MBNL1: variants seen among roughly 807,000 people sequenced by gnomAD.
MBNL1 encodes the protein muscleblind-like protein 1.
MBNL1 carries 8 observed loss-of-function variants against 42.2 expected under a neutral mutation model. That is an observed-to-expected ratio of 0.19 (90% CI 0.11 to 0.34). MBNL1 has a LOEUF of 0.34. Among genes scored for constraint, MBNL1 ranks in the 10% least tolerant of loss-of-function variants. The pLI, the probability that MBNL1 is intolerant of heterozygous loss-of-function variation, is 1.00. For synonymous variants in MBNL1, 169 were observed against 173.9 expected (o/e 0.97, Z 0.22); for missense variants, 309 against 495.3 (o/e 0.62, Z 3.57).
intron 6 of MBNL1, among the ~76,000 whole-genome samples, chr3:152,451,175 A>ACG: frequency 6.6e-6 from 1 of 151,508 alleles, no homozygotes; most frequent in East Asian, 1.9e-4. Context: ...ATGTGTAGAT[A>ACG]TATTTTATTC....
chr3:152,264,740 T>C (rs2036902553), upstream of MBNL1: 1 of 152,192 alleles, frequency 6.6e-6, no homozygotes, highest in African/African-American at 2.4e-5. Context: ...GATCCTAAAA[T>C]AATGATATTG....
intron 2 of MBNL1, among the ~76,000 whole-genome samples, chr3:152,403,475 A>G (rs903995453): frequency 6.6e-6 from 1 of 152,134 alleles, no homozygotes; most frequent in East Asian, 1.9e-4. Flanking sequence ...TTTATTGTTA[A>G]TATGGATCTT....
At chr3:152,398,384 G>A (rs1180611399) in intron 2 of MBNL1, among the ~76,000 whole-genome samples, 1 of 152,010 alleles carries the variant, frequency 6.6e-6, no homozygotes, top group Admixed American at 6.6e-5. Flanking sequence ...AATATCAGGA[G>A]AGGTTAGGAT....
At chr3:152,360,326 G>A (rs1168451449) in intron 2 of MBNL1, among the ~76,000 whole-genome samples, 2 of 152,124 alleles carry the variant, frequency 1.3e-5, no homozygotes, top group African/African-American at 2.4e-5. Flanking sequence ...TCGTGGTTAA[G>A]ATTAATGATA....
intron 1 of MBNL1, among the ~76,000 whole-genome samples, chr3:152,281,526 T>C (rs2048472441): frequency 6.6e-6 from 1 of 152,128 alleles, no homozygotes; most frequent in Admixed American, 6.6e-5. Context: ...CTAATCTGCC[T>C]GTGTGGTTTG....
intron 8 of MBNL1, among the ~76,000 whole-genome samples, chr3:152,457,045 A>G (rs1481332730): frequency 3.3e-5 from 5 of 152,188 alleles, no homozygotes; most frequent in African/African-American, 4.8e-5. Context: ...ATTCCATGCA[A>G]ATTTATTGCA....
intron 2 of MBNL1, among the ~76,000 whole-genome samples, chr3:152,348,935 C>T (rs2094599414): frequency 6.6e-6 from 1 of 151,928 alleles, no homozygotes; most frequent in African/African-American, 2.4e-5. Context: ...GTTGGGGAAG[C>T]AGGTGAAATA....
intron 2 of MBNL1, among the ~76,000 whole-genome samples, chr3:152,309,506 C>A (rs987046684): frequency 6.6e-6 from 1 of 152,184 alleles, no homozygotes; most frequent in Admixed American, 6.5e-5. Context: ...GCTTCTGGAT[C>A]TCAGAATCAC....
intron 2 of MBNL1, among the ~76,000 whole-genome samples, chr3:152,307,048 G>A (rs1378868877): frequency 6.6e-6 from 1 of 152,142 alleles, no homozygotes; most frequent in African/African-American, 2.4e-5. Flanking sequence ...TGAGTGCAGT[G>A]GTGTGATCTC....
At chr3:152,292,922 C>G (rs776852631) in intron 1 of MBNL1, among the ~76,000 whole-genome samples, 3 of 151,936 alleles carry the variant, frequency 2.0e-5, no homozygotes, top group African/African-American at 7.3e-5. Context: ...GCATTTGTCA[C>G]CCTGCCTGGC....
chr3:152,383,479 C>G (rs2097270485), intron 2 of MBNL1, among the ~76,000 whole-genome samples: 1 of 151,914 alleles, frequency 6.6e-6, no homozygotes, highest in Non-Finnish European at 1.5e-5. Flanking sequence ...ATATGAAAAC[C>G]TTGGTTATAG....
chr3:152,423,387 G>T (rs995724030), intron 3 of MBNL1, among the ~76,000 whole-genome samples: 2 of 152,180 alleles, frequency 1.3e-5, no homozygotes, highest in African/African-American at 4.8e-5. Flanking sequence ...CCAGGAAGAA[G>T]TCGAATCCCT....
chr3:152,324,903 GCTAC>G (rs2152470541), intron 2 of MBNL1, among the ~76,000 whole-genome samples: 1 of 152,082 alleles, frequency 6.6e-6, no homozygotes, highest in Admixed American at 6.6e-5. Flanking sequence ...CTCAAATAAT[GCTAC>G]CTGTTATCTC....
At chr3:152,248,838 A>G (rs532577718) in intron 2 of MBNL1, among the ~76,000 whole-genome samples, 22 of 151,762 alleles carry the variant, frequency 1.4e-4, no homozygotes, top group Admixed American at 6.6e-5. Context: ...TCATTGTTCA[A>G]TTCCCATCTA....
chr3:152,328,372 T>G (rs1308461427), intron 2 of MBNL1, among the ~76,000 whole-genome samples: 1 of 152,144 alleles, frequency 6.6e-6, no homozygotes, highest in Non-Finnish European at 1.5e-5. Flanking sequence ...ATTAGGTATG[T>G]GATACTATGG....
At chr3:152,355,413 A>G (rs749856905) in intron 2 of MBNL1, among the ~76,000 whole-genome samples, 4 of 152,254 alleles carry the variant, frequency 2.6e-5, no homozygotes, top group Non-Finnish European at 5.9e-5. Context: ...TTACACAAAT[A>G]AAAATCAGAG....
chr3:152,338,779 CTG>C (rs1210872295), intron 2 of MBNL1: 9 of 837,214 alleles, frequency 1.1e-5, no homozygotes, highest in Middle Eastern at 6.0e-4. Context: ...TTGGGAAACT[CTG>C]TGTTTGATCA....
At chr3:152,456,667 G>T (rs1734411150) in intron 8 of MBNL1, among the ~76,000 whole-genome samples, 1 of 152,138 alleles carries the variant, frequency 6.6e-6, no homozygotes, top group Non-Finnish European at 1.5e-5. Flanking sequence ...AACCAATCGT[G>T]CAGGTATTTT....
At chr3:152,274,942 T>C (rs2150024172) in intron 1 of MBNL1, among the ~76,000 whole-genome samples, 1 of 152,304 alleles carries the variant, frequency 6.6e-6, no homozygotes, top group Admixed American at 6.5e-5. Flanking sequence ...AAGCAGTTCA[T>C]ATTTGTATTT....
Sources: allele counts gnomAD v4.1 joint callset (sites outside exome capture counted in the v4.1 genomes callset), GRCh38; gene constraint gnomAD v4.1.1; transcripts MANE v1.5; gene names NCBI Gene and HGNC (gene_info 2026-07-23, HGNC 2026-07-21).